SHANK2: variants seen among roughly 807,000 people sequenced by gnomAD.
SHANK2 encodes the protein SH3 and multiple ankyrin repeat domains 2.
A neutral mutation model predicts 133.7 loss-of-function variants in SHANK2; 43 were observed. The observed-to-expected ratio is 0.32, with a 90% CI of 0.25 to 0.41. SHANK2 has a LOEUF of 0.41. SHANK2 is among the 10% of genes least tolerant of loss of function. The pLI, the probability that SHANK2 is intolerant of heterozygous loss-of-function variation, is 1.00. For synonymous variants in SHANK2, 1,017 were observed against 952.8 expected, an observed-to-expected ratio of 1.07 and a Z score of -1.24; for missense variants, 1,994 against 2,235.8, an observed-to-expected ratio of 0.89 and a Z score of 2.18.
intron 17 of SHANK2, among the ~76,000 whole-genome samples, chr11:70,581,023 C>T (rs563745343): frequency 1.3e-5 from 2 of 152,330 alleles, no homozygotes; most frequent in East Asian, 3.9e-4. Context: ...GTGTTCGTCA[C>T]TGCGAGGCCT....
intron 2 of SHANK2, among the ~76,000 whole-genome samples, chr11:71,185,200 A>G (rs1249550618): frequency 6.6e-6 from 1 of 152,048 alleles, no homozygotes; most frequent in African/African-American, 2.4e-5. Context: ...GGTTGTTGAA[A>G]CTCACCTGTG....
rs782544299 is a variant in SHANK2, at chr11:70,473,017, C to G, written c.5402G>C (p.Gly1801Ala). 5.0e-6 allele frequency: 8 copies of G among 1,614,124 alleles called. No homozygotes were observed. Among genetic ancestry groups the G allele is most frequent in the Non-Finnish European group, 6.8e-6 (8 of 1,180,060 alleles). The change falls in exon 26 of 26, where the codon GGT becomes GCT. Residue 1801 changes from glycine to alanine, a missense_variant. Physicochemically the swap from Gly to Ala is moderately conservative, Grantham distance 60 (BLOSUM62 0). Transcript: ENST00000601538. The surrounding 1 kb of genome is among the most constrained non-coding windows in gnomAD (Gnocchi z 5.9). Reference protein sequence around the residue: ...VADWLESLNLGEHKEAFMDNE... With the variant: ...VADWLESLNLAEHKEAFMDNE... ...GTCCATGAAGGCCTCTTTATGTTCA[C>G]CCAAGTTTAGACTTTCCAGCCAATC...
intron 10 of SHANK2, among the ~76,000 whole-genome samples, chr11:70,916,008 G>A (rs540964189): frequency 1.0e-3 from 156 of 152,262 alleles, no homozygotes; most frequent in South Asian, 1.7e-3. Context: ...GCTCTTCCCC[G>A]ATTCACATCA....
At position 70,500,855 on chromosome 11, in the gene SHANK2, T is replaced by A; in HGVS notation, c.2288-265A>T. 1 of 695,564 alleles carries A rather than the reference T, an allele frequency of 1.4e-6. No homozygotes were observed. Among genetic ancestry groups the A allele is most frequent in the Non-Finnish European group, 2.7e-6 (1 of 375,640 alleles). 43.1% of individuals were successfully genotyped at this position (695,564 alleles called of 1,614,324 possible). A position where few individuals can be genotyped will look rare whatever the true frequency, so the allele number is the denominator to read the frequency against. ...TGGCAGTGGAAAGGGGCTTTCCTTC[T>A]TCCTCAGCACCCCTTGTCCCACCAG... is the stretch of plus-strand genomic sequence containing the variant. On this transcript the variant is annotated intron_variant, in intron 20 of 25. Coordinates refer to ENST00000601538, the MANE Select transcript of SHANK2 (RefSeq NM_012309.5). This position sits in a 1 kb window ranked among gnomAD's most constrained non-coding sequence, Gnocchi z 4.5.
At chr11:70,658,857 G>A (rs1445266024) in intron 17 of SHANK2, among the ~76,000 whole-genome samples, 2 of 152,198 alleles carry the variant, frequency 1.3e-5, no homozygotes, top group East Asian at 3.9e-4. Flanking sequence ...TGGATGCCAC[G>A]TACCCACCCC....
intron 10 of SHANK2, among the ~76,000 whole-genome samples, chr11:70,920,386 C>A (rs1397900875): frequency 1.3e-5 from 2 of 152,056 alleles, no homozygotes; most frequent in African/African-American, 4.8e-5. Context: ...AACTGCCACA[C>A]CCAGTCTATT....
intron 15 of SHANK2, among the ~76,000 whole-genome samples, chr11:70,672,943 G>T (rs1359027928): frequency 6.6e-6 from 1 of 152,354 alleles, no homozygotes. Flanking sequence ...CAACCACCCT[G>T]AGCCTGGGTT....
At chr11:70,577,484 G>A (rs545142550) in intron 17 of SHANK2, among the ~76,000 whole-genome samples, 11 of 152,236 alleles carry the variant, frequency 7.2e-5, no homozygotes, top group African/African-American at 9.6e-5. Context: ...AGCCACAGGC[G>A]GGTTTGCAGA....
chr11:70,863,947 T>C, intron 11 of SHANK2: 1 of 426,512 alleles, frequency 2.3e-6, no homozygotes, highest in South Asian at 1.7e-5. Flanking sequence ...AGAGAATGTT[T>C]CTGATAAAAC....
chr11:70,639,810 T>G (rs1027858122), intron 17 of SHANK2, among the ~76,000 whole-genome samples: 2 of 151,950 alleles, frequency 1.3e-5, no homozygotes, highest in Non-Finnish European at 2.9e-5. Flanking sequence ...GGACCCCCCT[T>G]GAGCCCCAAG....
At chr11:70,953,294 A>AG (rs146295786) in intron 10 of SHANK2, among the ~76,000 whole-genome samples, 3,124 of 152,088 alleles carry the variant, frequency 0.021, 47 homozygotes, top group Non-Finnish European at 0.029. Flanking sequence ...CAGAACTGAT[A>AG]GGATACATTT....
intron 11 of SHANK2, among the ~76,000 whole-genome samples, chr11:70,868,054 G>C (rs782770098): frequency 2.6e-5 from 4 of 152,252 alleles, no homozygotes; most frequent in Non-Finnish European, 5.9e-5. Context: ...AATGTACGCC[G>C]TCACCAAGGG....
At chr11:70,677,381 C>A (rs1388190245) in intron 15 of SHANK2, among the ~76,000 whole-genome samples, 1 of 152,192 alleles carries the variant, frequency 6.6e-6, no homozygotes, top group Admixed American at 6.5e-5. Context: ...GCCGAGTCTC[C>A]TCTATCCTTT....
chr11:70,648,234 G>A (rs1344571388), intron 17 of SHANK2, among the ~76,000 whole-genome samples: 1 of 152,204 alleles, frequency 6.6e-6, no homozygotes, highest in African/African-American at 2.4e-5. Flanking sequence ...GTATTTGCCT[G>A]GGGCTGGGAG....
intron 6 of SHANK2, among the ~76,000 whole-genome samples, chr11:71,095,189 C>T (rs1951586277): frequency 6.6e-6 from 1 of 152,264 alleles, no homozygotes; most frequent in Admixed American, 6.5e-5. Flanking sequence ...CCCCCTGGAG[C>T]TCCCAATCTG....
chr11:70,636,502 C>T (rs537690533), intron 17 of SHANK2, among the ~76,000 whole-genome samples: 12 of 135,176 alleles, frequency 8.9e-5, no homozygotes, highest in African/African-American at 3.2e-4. Flanking sequence ...AACATATGTA[C>T]GAGGATGCAT....
chr11:71,195,649 C>T (rs1235788046), intron 2 of SHANK2, among the ~76,000 whole-genome samples: 1 of 152,108 alleles, frequency 6.6e-6, no homozygotes, highest in African/African-American at 2.4e-5. Context: ...ACACTGTAAT[C>T]AGAGGCCCAC....
chr11:70,858,012 GCAA>G (rs1555067111), intron 11 of SHANK2, among the ~76,000 whole-genome samples: 1 of 152,192 alleles, frequency 6.6e-6, no homozygotes, highest in African/African-American at 2.4e-5. Flanking sequence ...GTGGCAAGTT[GCAA>G]GACACCATTT....
At chr11:70,685,598 G>A (rs188400090) in intron 15 of SHANK2, among the ~76,000 whole-genome samples, 14 of 152,250 alleles carry the variant, frequency 9.2e-5, no homozygotes, top group Admixed American at 3.9e-4. Flanking sequence ...GGACCCTCCC[G>A]AAGACTTGGA....
Sources: gnomAD v4.1 joint callset for allele counts (sites outside exome capture counted in the v4.1 genomes callset) on GRCh38, gnomAD v4.1.1 for gene constraint, Gnocchi (gnomAD v3.1) non-coding constraint, MANE v1.5 for transcripts, NCBI Gene and HGNC (gene_info 2026-07-23, HGNC 2026-07-21) for gene names.